GAS2L3: variants seen among roughly 807,000 people sequenced by gnomAD.
The protein encoded by GAS2L3 is growth arrest specific 2 like 3.
Under a neutral mutation model 37.0 loss-of-function variants are expected in GAS2L3, and 28 were observed. That is an observed-to-expected ratio of 0.76 (90% CI 0.56 to 1.04). The LOEUF is 1.04. Ranked by LOEUF, GAS2L3 falls within the 50% of genes least tolerant of loss-of-function variation. The pLI, the probability that GAS2L3 is intolerant of heterozygous loss-of-function variation, is 0.00. For synonymous variants in GAS2L3, 290 were observed against 296.6 expected (o/e 0.98, Z 0.23); for missense variants, 793 against 817.6 (o/e 0.97, Z 0.37).
chr12:100,606,518 A>G (rs919964311), intron 5 of GAS2L3, among the ~76,000 whole-genome samples: 1 of 151,850 alleles, frequency 6.6e-6, no homozygotes, highest in Non-Finnish European at 1.5e-5. Context: ...ATAAGGACTT[A>G]TTCCTGCCAT....
At chr12:100,618,425 T>A (rs1445898122) in intron 7 of GAS2L3, 24 bp from the exon 8 acceptor site, 2 of 1,586,758 alleles carry the variant, frequency 1.3e-6, no homozygotes, top group Admixed American at 1.8e-5. Context: ...GCTTGAATGA[T>A]CAGATCTCCT....
intron 3 of GAS2L3, among the ~76,000 whole-genome samples, chr12:100,597,527 G>A (rs980109097): frequency 4.6e-5 from 7 of 151,968 alleles, no homozygotes; most frequent in Non-Finnish European, 8.8e-5. Context: ...ATATATTTAG[G>A]AATTCATTGC....
chr12:100,611,950 A>T (rs757724742), intron 5 of GAS2L3, 50 bp from the exon 6 acceptor site: 10 of 1,276,950 alleles, frequency 7.8e-6, no homozygotes, highest in Middle Eastern at 1.9e-4. Flanking sequence ...TGAATGTTTA[A>T]TGAAAGTATC....
chr12:100,625,913 ACTTTT>A lies in GAS2L3; in HGVS notation c.*1028_*1032del, dbSNP rs963400143. The A allele has an allele frequency of 1.3e-5, 2 of 152,164 alleles. No individual in the cohort carries two copies. The highest frequency in any genetic ancestry group is 4.8e-5 in the African/African-American group (2 of 41,438). 9.4% of individuals were successfully genotyped at this position (152,164 alleles called of 1,614,324 possible). A position where few individuals can be genotyped will look rare whatever the true frequency, so the allele number is the denominator to read the frequency against. On this transcript the variant is annotated 3_prime_UTR_variant, in exon 10 of 10. Coordinates refer to ENST00000547754, the MANE Select transcript of GAS2L3 (RefSeq NM_174942.3). ...TTAATTAATTTCTTCCAATTAGGTTACTTTTCTTTAATAAAGTTATGCTGCCTTCA... is the reference window on the plus strand; with the variant it reads ...TTAATTAATTTCTTCCAATTAGGTTACTTTAATAAAGTTATGCTGCCTTCA...
Position 100,600,436 on chromosome 12 carries a change from C to G in GAS2L3, c.73C>G (p.His25Asp). ...TCCTCGGAGTCCTCTGACTCCCAGA[C>G]ACGGACCAGGATTGGCTAATGTTTG... ...LSPRSPLTPRHGPGLANVCQY... is the reference protein window; with the variant it reads ...LSPRSPLTPRDGPGLANVCQY... The change falls in exon 4 of 10, where the codon CAC becomes GAC. Residue 25 changes from histidine to aspartate, a missense_variant. Transcript: ENST00000547754. The G allele has an allele frequency of 6.2e-7, 1 of 1,612,054 alleles. No individual in the cohort carries two copies. Among genetic ancestry groups the G allele is most frequent in the South Asian group, 1.1e-5 (1 of 90,914 alleles).
At chr12:100,588,576 G>T (rs1016168068) in intron 1 of GAS2L3, among the ~76,000 whole-genome samples, 3 of 152,146 alleles carry the variant, frequency 2.0e-5, no homozygotes, top group African/African-American at 7.2e-5. Flanking sequence ...CATCTTAACA[G>T]AAAACAGGGT....
chr12:100,607,975 C>T (rs888416664), intron 5 of GAS2L3, among the ~76,000 whole-genome samples: 10 of 152,006 alleles, frequency 6.6e-5, no homozygotes, highest in Admixed American at 5.9e-4. Context: ...TGTAAATGTT[C>T]CAGTGTCTAG....
intron 5 of GAS2L3, among the ~76,000 whole-genome samples, chr12:100,610,675 T>C (rs1457483120): frequency 6.6e-6 from 1 of 152,130 alleles, no homozygotes; most frequent in Non-Finnish European, 1.5e-5. Context: ...TGGGGGTAGG[T>C]GAGAGAAAGA....
At chr12:100,617,836 C>G (rs191513607) in intron 7 of GAS2L3, 29 bp downstream of exon 7, 281 of 1,328,972 alleles carry the variant, frequency 2.1e-4, no homozygotes, top group Non-Finnish European at 2.9e-4. Context: ...TTCAGAATTT[C>G]AATGTTATAA....
chr12:100,623,142 T>C (rs994616058), intron 9 of GAS2L3, among the ~76,000 whole-genome samples: 3 of 152,210 alleles, frequency 2.0e-5, no homozygotes, highest in African/African-American at 7.2e-5. Context: ...CATTTTCTTT[T>C]AATTAGCTTT....
intron 1 of GAS2L3, among the ~76,000 whole-genome samples, chr12:100,589,593 C>CA (rs1238302647): frequency 1.3e-5 from 2 of 151,956 alleles, no homozygotes; most frequent in African/African-American, 4.8e-5. Context: ...CATATGGAAC[C>CA]AAAAAAGAGC....
intron 1 of GAS2L3, chr12:100,579,876 A>T: frequency 1.3e-6 from 1 of 751,422 alleles, no homozygotes; most frequent in Admixed American, 1.8e-5. Flanking sequence ...AAATATCCGT[A>T]ACATAGTAAA....
At chr12:100,583,167 C>T (rs1485102705) in intron 1 of GAS2L3, among the ~76,000 whole-genome samples, 1 of 152,224 alleles carries the variant, frequency 6.6e-6, no homozygotes, top group Non-Finnish European at 1.5e-5. Flanking sequence ...GGCAGAGCAG[C>T]TCTGCATCCC....
intron 9 of GAS2L3, among the ~76,000 whole-genome samples, chr12:100,622,625 G>A (rs76296810): frequency 6.6e-6 from 1 of 151,588 alleles, no homozygotes; most frequent in Non-Finnish European, 1.5e-5. Context: ...TAGGCAGTGA[G>A]TATAATGGGG....
At position 100,624,060 on chromosome 12, in the gene GAS2L3, C is replaced by A. The variant is rs1458266576; in HGVS notation, c.1255C>A (p.Pro419Thr). 6.2e-7 allele frequency: 1 copy of A among 1,614,052 alleles called. No individual in the cohort carries two copies. The highest frequency in any genetic ancestry group is 1.7e-5 in the Admixed American group (1 of 59,990). ...TCCAGTAGGTAAAAACACTTCTTCA[C>A]CAGCTTTACCAAGAACTGCACCTTG... ...LNPVGKNTSSPALPRTAPCIS... is the reference protein window; with the variant it reads ...LNPVGKNTSSTALPRTAPCIS... Residue 419 changes from proline (P) to threonine (T), a missense_variant, in exon 10 of 10, where the codon CCA becomes ACA. Coordinates refer to ENST00000547754, the MANE Select transcript of GAS2L3 (RefSeq NM_174942.3).
intron 5 of GAS2L3, 60 bp downstream of exon 5, chr12:100,601,813 T>G (rs1955993945): frequency 2.5e-6 from 2 of 810,774 alleles, no homozygotes; most frequent in African/African-American, 3.5e-5. Flanking sequence ...TTATGTACAC[T>G]TCTTATCTCT....
At chr12:100,621,671 G>GTACA (rs1428843139) in intron 8 of GAS2L3, among the ~76,000 whole-genome samples, 1 of 151,950 alleles carries the variant, frequency 6.6e-6, no homozygotes, top group Non-Finnish European at 1.5e-5. Flanking sequence ...TATTAGTTTA[G>GTACA]TACACTTTTA....
chr12:100,600,511 A>T lies in GAS2L3; in HGVS notation c.148A>T (p.Met50Leu). The T allele has an allele frequency of 1.9e-6, 3 of 1,613,918 alleles. No individual in the cohort carries two copies. Among genetic ancestry groups the T allele is most frequent in the Non-Finnish European group, 2.5e-6 (3 of 1,179,894 alleles). Reference sequence around the variant, plus strand: ...GAGGCATGAAGCCACTTTGTTGCCCATGCAAGAAGATCTGTCAATCTGGTT... The same window carrying T: ...GAGGCATGAAGCCACTTTGTTGCCCTTGCAAGAAGATCTGTCAATCTGGTT... ...AVRHEATLLP[M>L]QEDLSIWLSG... The change falls in exon 4 of 10, where the codon ATG (methionine) becomes TTG (leucine). Residue 50 changes from methionine (M) to leucine (L), a missense_variant. By Grantham distance (15) the Met-to-Leu change is conservative. Transcript: ENST00000547754.
intron 5 of GAS2L3, 135 bp downstream of exon 5, chr12:100,601,888 A>G (rs952187831): frequency 2.3e-6 from 1 of 439,304 alleles, no homozygotes; most frequent in Non-Finnish European, 4.2e-6. Context: ...AACCCTTTTC[A>G]AGATCTGGAA....
Sources: gnomAD v4.1 joint callset for allele counts (sites outside exome capture counted in the v4.1 genomes callset) on GRCh38, gnomAD v4.1.1 for gene constraint, MANE v1.5 for transcripts, NCBI Gene and HGNC (gene_info 2026-07-23, HGNC 2026-07-21) for gene names.